LRP1B: variants seen among roughly 807,000 people sequenced by gnomAD.
The protein encoded by LRP1B is low-density lipoprotein receptor-related protein 1B.
LRP1B carries 217 observed loss-of-function variants against 556.6 expected under a neutral mutation model. The ratio of observed to expected loss-of-function variants is 0.39; its 90% CI spans 0.35 to 0.44. LRP1B has a LOEUF of 0.44. Among genes scored for constraint, LRP1B ranks in the 20% least tolerant of loss-of-function variants. The probability of loss-of-function intolerance (pLI) is 1.00; values close to 1 mark genes in which losing one functional copy is unlikely to be tolerated. For synonymous variants in LRP1B, 2,047 were observed against 1,865.8 expected, an observed-to-expected ratio of 1.10 and a Z score of -2.50; for missense variants, 5,053 against 5,620.8, an observed-to-expected ratio of 0.90 and a Z score of 3.23.
At chr2:141,526,482 G>A (rs556442042) in intron 2 of LRP1B, among the ~76,000 whole-genome samples, 8 of 152,132 alleles carry the variant, frequency 5.3e-5, no homozygotes, top group Admixed American at 2.0e-4. Context: ...TTGATTCCAC[G>A]TTGAAAAGAG....
chr2:141,476,774 T>C (rs958222013), intron 3 of LRP1B, among the ~76,000 whole-genome samples: 2 of 152,176 alleles, frequency 1.3e-5, no homozygotes, highest in African/African-American at 4.8e-5. Context: ...TTTTCCCTTA[T>C]TAGTTTTATA....
chr2:140,872,309 G>A (rs1443584330), intron 25 of LRP1B, among the ~76,000 whole-genome samples: 1 of 140,492 alleles, frequency 7.1e-6, no homozygotes, highest in African/African-American at 2.7e-5. Context: ...AGTGTGAACA[G>A]ACAAGTTCAT....
chr2:141,558,357 A>AT (rs536340670), intron 2 of LRP1B, among the ~76,000 whole-genome samples: 50 of 151,500 alleles, frequency 3.3e-4, no homozygotes, highest in African/African-American at 1.1e-3. Flanking sequence ...AGAGGTAGAT[A>AT]TTTTTTTTCC....
intron 41 of LRP1B, among the ~76,000 whole-genome samples, chr2:140,628,829 A>G (rs1401217639): frequency 6.6e-6 from 1 of 152,058 alleles, no homozygotes; most frequent in African/African-American, 2.4e-5. Flanking sequence ...TGTTCCCATG[A>G]TAATGAGTTC....
At chr2:141,834,006 T>A (rs1697189746) in intron 1 of LRP1B, among the ~76,000 whole-genome samples, 1 of 151,458 alleles carries the variant, frequency 6.6e-6, no homozygotes, top group Non-Finnish European at 1.5e-5. Flanking sequence ...GAAGAAACAG[T>A]ATACACAAAG....
chr2:141,000,657 G>A (rs142183596), intron 15 of LRP1B, among the ~76,000 whole-genome samples: 33 of 152,050 alleles, frequency 2.2e-4, no homozygotes, highest in Admixed American at 1.0e-3. Flanking sequence ...GGACTGATTC[G>A]TAACTCATCT....
At chr2:141,025,184 G>T (rs1005469179) in intron 11 of LRP1B, among the ~76,000 whole-genome samples, 1 of 152,016 alleles carries the variant, frequency 6.6e-6, no homozygotes, top group Non-Finnish European at 1.5e-5. Flanking sequence ...TGCATTCCAG[G>T]CTATTACTCT....
chr2:141,094,231 G>A (rs1266179475), intron 7 of LRP1B, among the ~76,000 whole-genome samples: 2 of 152,090 alleles, frequency 1.3e-5, no homozygotes, highest in East Asian at 3.9e-4. Context: ...CTTTAAACAA[G>A]TTTTAAATTG....
chr2:140,945,095 T>A (rs948291717), intron 20 of LRP1B, among the ~76,000 whole-genome samples: 1 of 152,160 alleles, frequency 6.6e-6, no homozygotes, highest in Admixed American at 6.6e-5. Context: ...GTAGCATTTT[T>A]ATACACTAAT....
intron 41 of LRP1B, among the ~76,000 whole-genome samples, chr2:140,682,616 T>C (rs1294876705): frequency 6.6e-6 from 1 of 151,988 alleles, no homozygotes. Context: ...GTAATAAGGT[T>C]AGGTGCAAAT....
At chr2:140,471,211 A>C (rs1033593328) in intron 60 of LRP1B, among the ~76,000 whole-genome samples, 1 of 152,190 alleles carries the variant, frequency 6.6e-6, no homozygotes, top group Non-Finnish European at 1.5e-5. Flanking sequence ...GTAGGAGGAA[A>C]GAGTGTCACT....
At chr2:141,587,014 G>A (rs1311538386) in intron 2 of LRP1B, among the ~76,000 whole-genome samples, 1 of 151,096 alleles carries the variant, frequency 6.6e-6, no homozygotes, top group African/African-American at 2.4e-5. Flanking sequence ...ACACCTGCAT[G>A]TAAAACATTA....
At chr2:140,738,361 A>G (rs911063734) in intron 35 of LRP1B, among the ~76,000 whole-genome samples, 1 of 152,086 alleles carries the variant, frequency 6.6e-6, no homozygotes, top group Non-Finnish European at 1.5e-5. Flanking sequence ...TACAGGAACT[A>G]TGGAGGAGCT....
chr2:141,579,760 C>T (rs1239572716), intron 2 of LRP1B, among the ~76,000 whole-genome samples: 17 of 94,504 alleles, frequency 1.8e-4, no homozygotes, highest in African/African-American at 4.7e-5. Flanking sequence ...AGTGCAGTGG[C>T]GTGATCTCGG....
chr2:141,657,646 A>G (rs552978633), intron 2 of LRP1B, among the ~76,000 whole-genome samples: 21 of 152,148 alleles, frequency 1.4e-4, no homozygotes, highest in Non-Finnish European at 2.1e-4. Context: ...TTTTAAAGAC[A>G]TATCTGAGTC....
intron 89 of LRP1B, among the ~76,000 whole-genome samples, chr2:140,235,121 CAA>C (rs943936545): frequency 6.6e-6 from 1 of 150,976 alleles, no homozygotes; most frequent in Non-Finnish European, 1.5e-5. Flanking sequence ...ATTTCTCTCA[CAA>C]AAGTCTTATT....
At chr2:141,664,387 G>A (rs1690343884) in intron 2 of LRP1B, among the ~76,000 whole-genome samples, 1 of 152,258 alleles carries the variant, frequency 6.6e-6, no homozygotes, top group South Asian at 2.1e-4. Flanking sequence ...GAAATAAAGG[G>A]TACTCAAATA....
At position 141,416,441 on chromosome 2, in the gene LRP1B, C is replaced by A. The variant is rs1419268758; in HGVS notation, c.343+63955G>T. On this transcript the variant is annotated intron_variant, in intron 3 of 90. Transcript: ENST00000389484. ...CCCACAGTAAATTCTTAATATTTGACAGCCATTTTTTTTTTTTTTTTTTTT... is the reference window on the plus strand; with the variant it reads ...CCCACAGTAAATTCTTAATATTTGAAAGCCATTTTTTTTTTTTTTTTTTTT... Among the ~76,000 whole-genome samples, 4 of 143,344 alleles carry A rather than the reference C, an allele frequency of 2.8e-5. No individual in the cohort carries two copies. In the Admixed American group the frequency reaches 2.9e-4, roughly 10 times the overall value. 94.0% of individuals were successfully genotyped at this position (143,344 alleles called of 152,430 possible).
intron 6 of LRP1B, among the ~76,000 whole-genome samples, chr2:141,211,863 T>C (rs112485678): frequency 0.015 from 2,257 of 152,278 alleles, 34 homozygotes; most frequent in Middle Eastern, 0.034. Context: ...TTTTTGACTC[T>C]CAATGGATGG....
Sources: allele counts gnomAD v4.1 joint callset (sites outside exome capture counted in the v4.1 genomes callset), GRCh38; gene constraint gnomAD v4.1.1; transcripts MANE v1.5; gene names NCBI Gene and HGNC (gene_info 2026-07-23, HGNC 2026-07-21).